Variants in CDH26 observed in about 807,000 individuals in gnomAD.
CDH26 encodes the protein cadherin-like protein 26.
CDH26 carries 83 observed loss-of-function variants against 90.3 expected under a neutral mutation model. That is an observed-to-expected ratio of 0.92 (90% CI 0.77 to 1.10). CDH26 has a LOEUF of 1.10. Ranked by LOEUF, CDH26 falls within the 50% of genes least tolerant of loss-of-function variation. The probability of loss-of-function intolerance (pLI) is 0.00; values close to 1 mark genes in which losing one functional copy is unlikely to be tolerated. For missense variants in CDH26, 1,013 were observed against 1,037.6 expected (o/e 0.98, Z 0.33); for synonymous variants, 397 against 396.3 (o/e 1.00, Z -0.02).
At chr20:60,001,732 C>A in intron 15 of CDH26, 2 of 662,832 alleles carry the variant, frequency 3.0e-6, no homozygotes, top group Non-Finnish European at 3.7e-6. Context: ...AAGTTAAAAG[C>A]ACAGCACTTT....
At chr20:59,975,235 G>A (rs1008411303) in intron 4 of CDH26, among the ~76,000 whole-genome samples, 29 of 152,122 alleles carry the variant, frequency 1.9e-4, no homozygotes, top group African/African-American at 6.8e-4. Context: ...GATTAGGGTG[G>A]GCCATAACCC....
chr20:60,027,722 G>A (rs945917651), intron 7 of CDH26, among the ~76,000 whole-genome samples: 13 of 152,138 alleles, frequency 8.5e-5, no homozygotes, highest in African/African-American at 2.7e-4. Flanking sequence ...GAAAATGGTC[G>A]GTGCTGCCCA....
intron 17 of CDH26, among the ~76,000 whole-genome samples, chr20:60,010,093 C>T (rs555205617): frequency 5.2e-4 from 77 of 147,478 alleles, no homozygotes; most frequent in East Asian, 2.4e-3. Flanking sequence ...TAGACTGGGG[C>T]GGGGAGACAG....
At chr20:60,022,637 G>T (rs2061967153) in intron 7 of CDH26, among the ~76,000 whole-genome samples, 1 of 152,206 alleles carries the variant, frequency 6.6e-6, no homozygotes, top group Non-Finnish European at 1.5e-5. Flanking sequence ...TCAAGACAGT[G>T]CCAAATAGAG....
In CDH26 at chr20:59,993,064, TA is replaced by T. The variant is rs571258554; in HGVS notation, c.1426+548del. Among the ~76,000 whole-genome samples the T allele has an allele frequency of 1.1e-4, 16 of 152,336 alleles. No homozygotes were observed. In the South Asian group the frequency reaches 3.1e-3, roughly 30 times the overall value. ...ATTGTATTTAAGAAAGTCTGTGAAC[TA>T]AAACCCAAGCTCCAAGTGATATATC... On this transcript the variant is annotated intron_variant, in intron 10 of 17. Coordinates refer to ENST00000348616, the MANE Select transcript of CDH26 (RefSeq NM_177980.4).
intron 7 of CDH26, 136 bp downstream of exon 7, chr20:59,985,265 T>C (rs755321730): frequency 1.9e-6 from 2 of 1,077,370 alleles, no homozygotes; most frequent in Non-Finnish European, 2.6e-6. Flanking sequence ...GGGTAATTTA[T>C]AAAGAAAAGA....
chr20:60,022,607 TGTG>T (rs1305937819), intron 7 of CDH26, among the ~76,000 whole-genome samples: 2 of 152,228 alleles, frequency 1.3e-5, no homozygotes, highest in African/African-American at 4.8e-5. Flanking sequence ...AAAGATGACC[TGTG>T]GCAGCCGTCA....
chr20:60,034,868 G>C (rs923177132), downstream of CDH26, among the ~76,000 whole-genome samples: 1 of 152,360 alleles, frequency 6.6e-6, no homozygotes, highest in African/African-American at 2.4e-5. Flanking sequence ...TCCGGCACAG[G>C]TGGGGAAGGC....
chr20:59,973,754 A>G lies in CDH26; in HGVS notation c.393+1631A>G, dbSNP rs2061293363. On this transcript the variant is annotated intron_variant, in intron 4 of 17. Coordinates refer to ENST00000348616, the MANE Select transcript of CDH26 (RefSeq NM_177980.4). ...CTTTTTTATGGCTGCATAGTATTCCATGGTGTACATGTACCATATTTGCTT... is the reference window on the plus strand; with the variant it reads ...CTTTTTTATGGCTGCATAGTATTCCGTGGTGTACATGTACCATATTTGCTT... Among the ~76,000 whole-genome samples the G allele has an allele frequency of 2.6e-5, 4 of 152,228 alleles. No homozygotes were observed. The South Asian group carries it at 8.3e-4, about 32-fold the overall frequency.
intron 2 of CDH26, among the ~76,000 whole-genome samples, chr20:59,969,641 C>A (rs1273556781): frequency 1.3e-5 from 2 of 152,172 alleles, no homozygotes; most frequent in Non-Finnish European, 2.9e-5. Flanking sequence ...GTGTACATGT[C>A]TGCACATTTG....
downstream of CDH26, among the ~76,000 whole-genome samples, chr20:60,018,702 C>CTTTTTTTTTTTTTTTTTTT (rs55994712): frequency 3.8e-3 from 67 of 17,812 alleles, 13 homozygotes; most frequent in Non-Finnish European, 5.6e-3. Context: ...CTCTTACTGC[C>CTTTTTTTTTTTTTTTTTTT]TTTTTTTTTT....
chr20:59,967,833 CTTTCTTTCT>C (rs2061173417), intron 1 of CDH26, among the ~76,000 whole-genome samples: 1 of 68,764 alleles, frequency 1.5e-5, no homozygotes, highest in South Asian at 6.0e-4. Context: ...TTCTTTCTTT[CTTTCTTTCT>C]TTCTTTCTTT....
chr20:60,031,356 T>A (rs956815634), exon 8 of CDH26: 1 of 1,285,792 alleles, frequency 7.8e-7, no homozygotes, highest in South Asian at 1.3e-5. Flanking sequence ...TAACGCAGAC[T>A]GGTAAACGGA....
chr20:59,999,521 T>C (rs2061646784), intron 13 of CDH26, 65 bp from the exon 14 acceptor site: 5 of 1,369,130 alleles, frequency 3.7e-6, no homozygotes, highest in South Asian at 2.4e-5. Context: ...TTCCTTTCCT[T>C]CTGTTTTTAT....
At chr20:60,000,168 T>C (rs1601175983) in intron 14 of CDH26, among the ~76,000 whole-genome samples, 3 of 152,324 alleles carry the variant, frequency 2.0e-5, no homozygotes, top group East Asian at 3.9e-4. Flanking sequence ...GGGGCCCCTC[T>C]GCAAGGAAGG....
intron 12 of CDH26, 171 bp downstream of exon 12, chr20:59,996,225 G>T: frequency 1.0e-6 from 1 of 993,792 alleles, no homozygotes; most frequent in Non-Finnish European, 1.4e-6. Context: ...AGGTTGCCAT[G>T]CTGGCCAGGC....
At chr20:59,960,065 C>G (rs990523374) in intron 1 of CDH26, among the ~76,000 whole-genome samples, 9 of 152,158 alleles carry the variant, frequency 5.9e-5, no homozygotes, top group African/African-American at 2.2e-4. Context: ...GGCGTCCTGA[C>G]CTAGGCTCCT....
At chr20:59,967,741 C>G (rs2061168239) in intron 1 of CDH26, among the ~76,000 whole-genome samples, 1 of 150,172 alleles carries the variant, frequency 6.7e-6, no homozygotes, top group Admixed American at 6.6e-5. Flanking sequence ...TTCTTTCCTT[C>G]CTCCCTTCCC....
At chr20:59,985,382 G>C (rs1569037870) in intron 7 of CDH26, among the ~76,000 whole-genome samples, 1 of 152,270 alleles carries the variant, frequency 6.6e-6, no homozygotes, top group African/African-American at 2.4e-5. Context: ...CGGAAGGACG[G>C]GGGGAGCAGG....
Sources: allele counts gnomAD v4.1 joint callset (sites outside exome capture counted in the v4.1 genomes callset), GRCh38; gene constraint gnomAD v4.1.1; transcripts MANE v1.5; gene names NCBI Gene and HGNC (gene_info 2026-07-23, HGNC 2026-07-21).